CNTN6: variants seen among roughly 807,000 people sequenced by gnomAD.
CNTN6 encodes contactin-6.
A neutral mutation model predicts 122.8 loss-of-function variants in CNTN6; 137 were observed. The ratio of observed to expected loss-of-function variants is 1.12; its 90% CI spans 0.97 to 1.29. The LOEUF (loss-of-function observed/expected upper bound fraction) is 1.29. CNTN6 is among the 50% of genes most tolerant of loss of function. The probability of loss-of-function intolerance (pLI) is 0.00; values close to 1 mark genes in which losing one functional copy is unlikely to be tolerated. For synonymous variants in CNTN6, 570 were observed against 426.0 expected, an observed-to-expected ratio of 1.34 and a Z score of -4.16; for missense variants, 1,634 against 1,223.4, an observed-to-expected ratio of 1.34 and a Z score of -5.01.
At chr3:1,388,548 A>G (rs1576035039) in intron 20 of CNTN6, among the ~76,000 whole-genome samples, 1 of 151,276 alleles carries the variant, frequency 6.6e-6, no homozygotes, top group East Asian at 1.9e-4. Flanking sequence ...CAGCAACGGA[A>G]CAAAGCTGGA....
chr3:1,389,425 A>G (rs1279895002), intron 20 of CNTN6, among the ~76,000 whole-genome samples: 3 of 152,088 alleles, frequency 2.0e-5, no homozygotes, highest in African/African-American at 7.2e-5. Flanking sequence ...CTAAACATGG[A>G]AAGGAACAAC....
intron 1 of CNTN6, among the ~76,000 whole-genome samples, chr3:1,141,470 A>G (rs1028670816): frequency 2.6e-5 from 4 of 152,198 alleles, no homozygotes; most frequent in African/African-American, 9.6e-5. Context: ...AAGTTGGCCA[A>G]TATTTCAAAG....
chr3:1,346,489 A>G (rs1251858369), intron 11 of CNTN6, among the ~76,000 whole-genome samples: 1 of 151,990 alleles, frequency 6.6e-6, no homozygotes, highest in Non-Finnish European at 1.5e-5. Context: ...ACAGCGTTTT[A>G]AAAGAGTCTG....
At chr3:1,391,928 A>G (rs1694212381) in intron 20 of CNTN6, among the ~76,000 whole-genome samples, 1 of 152,202 alleles carries the variant, frequency 6.6e-6, no homozygotes, top group Non-Finnish European at 1.5e-5. Flanking sequence ...ATGGAAGAAC[A>G]TTCCATGCTC....
intron 19 of CNTN6, 34 bp from the exon 20 acceptor site, chr3:1,385,577 C>T: frequency 6.5e-7 from 1 of 1,528,912 alleles, no homozygotes; most frequent in South Asian, 1.2e-5. Flanking sequence ...TATTGGGGAA[C>T]AATAAATTGC....
chr3:1,156,543 A>G (rs2092966027), intron 2 of CNTN6, among the ~76,000 whole-genome samples: 1 of 152,192 alleles, frequency 6.6e-6, no homozygotes, highest in Admixed American at 6.5e-5. Flanking sequence ...ATAGTGTTTC[A>G]TCTGATCTTG....
chr3:1,284,564 T>G (rs1375986519), intron 5 of CNTN6, among the ~76,000 whole-genome samples: 1 of 152,200 alleles, frequency 6.6e-6, no homozygotes, highest in Non-Finnish European at 1.5e-5. Flanking sequence ...ATGTAGTTAC[T>G]AAGTGCCACT....
At chr3:1,094,735 G>A (rs924686627) in intron 1 of CNTN6, among the ~76,000 whole-genome samples, 1 of 151,550 alleles carries the variant, frequency 6.6e-6, no homozygotes, top group Middle Eastern at 3.4e-3. Context: ...AGGATGTGTG[G>A]TATATTAAAT....
intron 2 of CNTN6, among the ~76,000 whole-genome samples, chr3:1,158,423 C>T (rs188164564): frequency 5.2e-4 from 79 of 152,196 alleles, no homozygotes; most frequent in African/African-American, 1.9e-3. Context: ...CTTATATATT[C>T]TGGTTATTAG....
chr3:1,219,160 C>T (rs2094170357), intron 2 of CNTN6, among the ~76,000 whole-genome samples: 1 of 152,050 alleles, frequency 6.6e-6, no homozygotes. Context: ...GTCTAAAATC[C>T]CTAGCCACAA....
intron 5 of CNTN6, among the ~76,000 whole-genome samples, chr3:1,284,689 A>C (rs905674391): frequency 1.3e-5 from 2 of 152,216 alleles, no homozygotes; most frequent in Middle Eastern, 3.2e-3. Flanking sequence ...CCAGAAGAAA[A>C]ATAAAAGGAG....
At chr3:1,161,248 TTATATATATATGATA>T (rs1290160613) in intron 2 of CNTN6, among the ~76,000 whole-genome samples, 6 of 101,670 alleles carry the variant, frequency 5.9e-5, no homozygotes, top group Non-Finnish European at 9.6e-5. Flanking sequence ...TGATATATGA[TTATATATATATGATA>T]TATATATATA....
In CNTN6 at chr3:1,220,026, G is replaced by GA. The variant is rs202006423; in HGVS notation, c.56-653dup. On this transcript the variant is annotated intron_variant, in intron 2 of 22. Coordinates refer to ENST00000446702, the MANE Select transcript of CNTN6 (RefSeq NM_001289080.2). ...CAAAAAATAAAAAGAAAATAAAAAA[G>GA]AAAAAAAATATCAACTGGATTCTTT... Among the ~76,000 whole-genome samples, 574 of 150,098 alleles carry GA rather than the reference G, an allele frequency of 3.8e-3. 15 individuals are homozygous for GA. The East Asian group carries it at 0.067, about 18-fold the overall frequency.
intron 1 of CNTN6, among the ~76,000 whole-genome samples, chr3:1,138,700 C>T (rs1018006291): frequency 2.0e-5 from 3 of 151,938 alleles, no homozygotes; most frequent in Non-Finnish European, 4.4e-5. Context: ...GTGCTTTGCA[C>T]ACATTTCTGT....
In CNTN6 at chr3:1,150,504, G is replaced by A. The variant is rs941206939; in HGVS notation, c.55+2441G>A. 6.6e-5 allele frequency among the ~76,000 whole-genome samples: 10 copies of A among 152,030 alleles called. No individual in the cohort carries two copies. In the East Asian group the frequency reaches 1.9e-3, roughly 29 times the overall value. ...TTTTACTATAGTCATGGCCTCATAGGCCTTTACAATGAAACTTAATCCATA... is the reference window on the plus strand; with the variant it reads ...TTTTACTATAGTCATGGCCTCATAGACCTTTACAATGAAACTTAATCCATA... On this transcript the variant is annotated intron_variant, in intron 2 of 22. Coordinates refer to ENST00000446702, the MANE Select transcript of CNTN6 (RefSeq NM_001289080.2).
rs975119835 is a variant in CNTN6, at chr3:1,135,250, C to T, written c.-82-12677C>T. ...TTGCCTCTCTTTTGCAGAGAAATTT[C>T]CCAGAGTTTTACAGCATCACTGTTG... On this transcript the variant is annotated intron_variant, in intron 1 of 22. Coordinates refer to ENST00000446702, the MANE Select transcript of CNTN6 (RefSeq NM_001289080.2). 3.9e-5 allele frequency among the ~76,000 whole-genome samples: 6 copies of T among 151,954 alleles called. No homozygotes were observed. The East Asian group carries it at 9.7e-4, about 24-fold the overall frequency.
rs1227754609 is a variant in CNTN6, at chr3:1,383,053, A to C, written c.2278A>C (p.Arg760=). Residue 760 remains arginine (R), a synonymous_variant, in exon 18 of 23, where the codon AGG becomes CGG. Transcript: ENST00000446702. ...KEKVSSVESS[R]FVYRNESIIP... is the part of the protein sequence containing the mutation. ...GAAAGTGTCATCTGTGGAATCATCA[A>C]GGTTTGTCTACAGAAATGAAAGCAT... The C allele has an allele frequency of 6.2e-7, 1 of 1,614,016 alleles. No individual in the cohort carries two copies.
chr3:1,312,287 A>C (rs1464010914), intron 7 of CNTN6, among the ~76,000 whole-genome samples: 5 of 151,874 alleles, frequency 3.3e-5, no homozygotes, highest in Non-Finnish European at 7.4e-5. Flanking sequence ...AAATTAAACT[A>C]ATTTAAAGGT....
At chr3:1,304,608 T>C (rs1490298864) in intron 7 of CNTN6, among the ~76,000 whole-genome samples, 1 of 152,212 alleles carries the variant, frequency 6.6e-6, no homozygotes, top group African/African-American at 2.4e-5. Flanking sequence ...AAATGCTTTA[T>C]CTAGGGAATG....
Sources: gnomAD v4.1 joint callset for allele counts (sites outside exome capture counted in the v4.1 genomes callset) on GRCh38, gnomAD v4.1.1 for gene constraint, MANE v1.5 for transcripts, NCBI Gene and HGNC (gene_info 2026-07-23, HGNC 2026-07-21) for gene names.